The following ACBD6 variants were observed in gnomAD, a reference collection of about 807,000 sequenced individuals.
The protein encoded by ACBD6 is acyl-CoA binding domain containing 6, also known as acyl-CoA-binding domain-containing protein 6.
Under a neutral mutation model 37.2 loss-of-function variants are expected in ACBD6, and 28 were observed. The ratio of observed to expected loss-of-function variants is 0.75; its 90% confidence interval spans 0.56 to 1.03. The LOEUF (loss-of-function observed/expected upper bound fraction) is 1.03. Ranked by LOEUF, ACBD6 falls within the 50% of genes least tolerant of loss-of-function variation. The probability of loss-of-function intolerance (pLI) is 0.00; values close to 1 mark genes in which losing one functional copy is unlikely to be tolerated. For synonymous variants in ACBD6, 113 were observed against 126.8 expected, an observed-to-expected ratio of 0.89 and a Z score of 0.73; for missense variants, 340 against 337.4, an observed-to-expected ratio of 1.01 and a Z score of -0.06.
intron 3 of ACBD6, among the ~76,000 whole-genome samples, chr1:180,450,327 G>A (rs771990236): frequency 4.6e-5 from 7 of 152,218 alleles, no homozygotes; most frequent in Non-Finnish European, 7.3e-5. Flanking sequence ...TAAAAGAGGT[G>A]TTGAGAAACT....
intron 3 of ACBD6, among the ~76,000 whole-genome samples, chr1:180,469,669 T>C (rs1650481594): frequency 6.6e-6 from 1 of 152,194 alleles, no homozygotes. Context: ...ACAGCCACAT[T>C]AAGGGAAATG....
chr1:180,338,919 CA>C, intron 6 of ACBD6, among the ~76,000 whole-genome samples: 1 of 152,188 alleles, frequency 6.6e-6, no homozygotes, highest in Non-Finnish European at 1.5e-5. Context: ...AGCCAAAAGA[CA>C]CATGAAAAGA....
At chr1:180,375,914 C>A (rs750422637) in intron 6 of ACBD6, among the ~76,000 whole-genome samples, 14 of 151,720 alleles carry the variant, frequency 9.2e-5, no homozygotes, top group Non-Finnish European at 1.5e-4. Flanking sequence ...CAAAAATGGG[C>A]GAAAATATCT....
intron 1 of ACBD6, among the ~76,000 whole-genome samples, chr1:180,501,471 G>A (rs1253227257): frequency 3.3e-5 from 5 of 152,112 alleles, no homozygotes; most frequent in Non-Finnish European, 5.9e-5. Flanking sequence ...GGGATTACAG[G>A]CATGCGCCAC....
At chr1:180,274,825 G>T in exon 10 of ACBD6, 1 of 452,580 alleles carries the variant, frequency 2.2e-6, no homozygotes. Context: ...GAGCTCTAGG[G>T]ACACTGGCTT....
At chr1:180,447,221 A>G (rs376014041) in intron 3 of ACBD6, among the ~76,000 whole-genome samples, 1 of 152,324 alleles carries the variant, frequency 6.6e-6, no homozygotes, top group East Asian at 1.9e-4. Flanking sequence ...TTTTTTGTAT[A>G]TATACTACAT....
intron 6 of ACBD6, among the ~76,000 whole-genome samples, chr1:180,347,360 GTTTT>G (rs775301259): frequency 6.9e-4 from 34 of 49,090 alleles, no homozygotes; most frequent in East Asian, 2.4e-3. Flanking sequence ...TCAACAGAAA[GTTTT>G]TTTTTTTTTT....
chr1:180,362,622 G>A (rs1422827102), intron 6 of ACBD6, among the ~76,000 whole-genome samples: 3 of 152,110 alleles, frequency 2.0e-5, no homozygotes, highest in Admixed American at 6.5e-5. Flanking sequence ...TTCATACATA[G>A]AGAGATGTAG....
chr1:180,333,164 T>C (rs1479724366), intron 6 of ACBD6, among the ~76,000 whole-genome samples: 1 of 152,176 alleles, frequency 6.6e-6, no homozygotes, highest in Non-Finnish European at 1.5e-5. Context: ...CATAAAAACA[T>C]GTTACATGTT....
At chr1:180,335,510 A>C (rs895964151) in intron 6 of ACBD6, among the ~76,000 whole-genome samples, 1 of 152,198 alleles carries the variant, frequency 6.6e-6, no homozygotes, top group African/African-American at 2.4e-5. Context: ...TCCTGAAGGA[A>C]GCACTAAACA....
In ACBD6 at chr1:180,413,447, A is replaced by G. The variant is rs926854822; in HGVS notation, c.492T>C (p.Asp164=). 1 of 1,612,818 alleles carries G rather than the reference A, an allele frequency of 6.2e-7. No individual in the cohort carries two copies. The change falls in exon 5 of 8, where the codon GAT becomes GAC. Residue 164 remains aspartate (D), a synonymous_variant. Coordinates refer to ENST00000367595, the MANE Select transcript of ACBD6 (RefSeq NM_032360.4). ...GGTCAATGTTGTTTTCCCTGCAGTA[A>G]TCAAATATATTTTTGTCTTCTTCCC... ...TIREEDKNIF[D]YCRENNIDHI... is the part of the protein sequence containing the mutation.
intron 6 of ACBD6, among the ~76,000 whole-genome samples, chr1:180,367,856 G>T (rs192843378): frequency 6.6e-6 from 1 of 152,104 alleles, no homozygotes; most frequent in Non-Finnish European, 1.5e-5. Context: ...GAACATTCAC[G>T]TGCATGTGTC....
At chr1:180,409,151 G>C (rs568160026) in intron 5 of ACBD6, among the ~76,000 whole-genome samples, 24 of 151,002 alleles carry the variant, frequency 1.6e-4, no homozygotes, top group Non-Finnish European at 2.5e-4. Flanking sequence ...CTAAAAAAAA[G>C]AGAAAATTTT....
chr1:180,353,579 T>C (rs1377756537), intron 6 of ACBD6, among the ~76,000 whole-genome samples: 2 of 151,978 alleles, frequency 1.3e-5, no homozygotes, highest in South Asian at 2.1e-4. Context: ...CTAAGATATT[T>C]TAAAATTAAA....
chr1:180,431,919 T>C (rs369452329), intron 3 of ACBD6, among the ~76,000 whole-genome samples: 1 of 152,120 alleles, frequency 6.6e-6, no homozygotes, highest in African/African-American at 2.4e-5. Context: ...GTATAATCCA[T>C]GACAGGCCAG....
At chr1:180,367,560 G>A (rs1653097125) in intron 6 of ACBD6, among the ~76,000 whole-genome samples, 1 of 151,852 alleles carries the variant, frequency 6.6e-6, no homozygotes, top group South Asian at 2.1e-4. Flanking sequence ...CCCTCAAGCA[G>A]ACCCCAGTGT....
chr1:180,385,012 G>A (rs1653797174), intron 6 of ACBD6, among the ~76,000 whole-genome samples: 1 of 152,132 alleles, frequency 6.6e-6, no homozygotes, highest in South Asian at 2.1e-4. Context: ...GTGTGCTGGT[G>A]GGAGGTAGTG....
chr1:180,420,231 C>T (rs985498701), intron 4 of ACBD6, among the ~76,000 whole-genome samples: 1 of 152,204 alleles, frequency 6.6e-6, no homozygotes, highest in Admixed American at 6.5e-5. Context: ...AACCAACTCT[C>T]TGCCCCGCCC....
intron 6 of ACBD6, among the ~76,000 whole-genome samples, chr1:180,358,618 G>A (rs754449447): frequency 4.0e-5 from 6 of 151,666 alleles, no homozygotes; most frequent in Non-Finnish European, 7.4e-5. Context: ...TGTACTCTTT[G>A]TGGTAAAAGA....
Sources: gnomAD v4.1 joint callset for allele counts (sites outside exome capture counted in the v4.1 genomes callset) on GRCh38, gnomAD v4.1.1 for gene constraint, MANE v1.5 for transcripts, NCBI Gene and HGNC (gene_info 2026-07-23, HGNC 2026-07-21) for gene names.